THRB: variants seen among roughly 807,000 people sequenced by gnomAD.
THRB encodes thyroid hormone receptor beta.
A neutral mutation model predicts 47.8 loss-of-function variants in THRB; 12 were observed. That is an observed-to-expected ratio of 0.25 (90% confidence interval 0.16 to 0.41). The LOEUF is 0.41. Ranked by LOEUF, THRB falls within the 10% of genes least tolerant of loss-of-function variation. The pLI is 1.00. For synonymous variants in THRB, 218 were observed against 212.2 expected, an observed-to-expected ratio of 1.03 and a Z score of -0.24; for missense variants, 348 against 589.2, an observed-to-expected ratio of 0.59 and a Z score of 4.24.
chr3:24,433,328 C>G (rs945479246), intron 1 of THRB, among the ~76,000 whole-genome samples: 2 of 152,008 alleles, frequency 1.3e-5, no homozygotes, highest in Non-Finnish European at 2.9e-5. Flanking sequence ...CCAGTATGGT[C>G]ATAAAATTCC....
chr3:24,233,597 A>AAGAAAGAAAGAAAG (rs1553658468), intron 3 of THRB, among the ~76,000 whole-genome samples: 68 of 150,932 alleles, frequency 4.5e-4, no homozygotes, highest in Middle Eastern at 3.4e-3. Context: ...GAAAGAAAGA[A>AAGAAAGAAAGAAAG]AGAAAGAAAG....
In THRB at chr3:24,127,509, C is replaced by A; in HGVS notation, c.1134G>T (p.Leu378=). 1 of 1,614,212 alleles carries A rather than the reference C, an allele frequency of 6.2e-7. No homozygotes were observed. The highest frequency in any genetic ancestry group is 8.5e-7 in the Non-Finnish European group (1 of 1,180,034). ...TEVALLQAVL[L]MSSDRPGLAC... ...TCTAGGCGTACTCACCTGAAGACAT[C>A]AGCAGGACGGCCTGAAGGAGGGCTA... Residue 378 remains leucine, a synonymous_variant, in exon 10 of 11, where the codon CTG becomes CTT. Transcript: ENST00000646209.
At position 24,204,741 on chromosome 3, in the gene THRB, G is replaced by A. The variant is rs2045072401; in HGVS notation, c.23-14407C>T. 2.0e-5 allele frequency among the ~76,000 whole-genome samples: 3 copies of A among 152,144 alleles called. No individual in the cohort carries two copies. In the South Asian group the frequency reaches 6.2e-4, roughly 32 times the overall value. ...GGAAATTTGAACCCATCACAAAGAAGCTAAAAACCTTGAAAAAAGATTAGA... is the reference window on the plus strand; with the variant it reads ...GGAAATTTGAACCCATCACAAAGAAACTAAAAACCTTGAAAAAAGATTAGA... On this transcript the variant is annotated intron_variant, in intron 4 of 10. Transcript: ENST00000646209.
intron 5 of THRB, among the ~76,000 whole-genome samples, chr3:24,172,752 T>A (rs1404673272): frequency 2.6e-5 from 4 of 152,128 alleles, no homozygotes; most frequent in East Asian, 1.9e-4. Context: ...GCCCAGTAAT[T>A]GAACTGAGAG....
intron 2 of THRB, among the ~76,000 whole-genome samples, chr3:24,303,416 T>C (rs1416934354): frequency 1.3e-5 from 2 of 152,166 alleles, no homozygotes; most frequent in Non-Finnish European, 2.9e-5. Context: ...AGAGAATATG[T>C]TGTGGAGTTT....
At chr3:24,229,861 G>A (rs149445570) in intron 3 of THRB, among the ~76,000 whole-genome samples, 83 of 152,296 alleles carry the variant, frequency 5.4e-4, no homozygotes, top group African/African-American at 1.9e-3. Flanking sequence ...TGAAGCCTGA[G>A]GCATGGGCTT....
intron 1 of THRB, among the ~76,000 whole-genome samples, chr3:24,339,609 G>A (rs1325674734): frequency 3.9e-5 from 6 of 152,032 alleles, no homozygotes; most frequent in Admixed American, 2.0e-4. Context: ...CAAACATGCG[G>A]CATCTTTTTC....
intron 3 of THRB, among the ~76,000 whole-genome samples, chr3:24,290,656 A>G (rs1209729136): frequency 1.3e-5 from 2 of 152,200 alleles, no homozygotes; most frequent in Admixed American, 1.3e-4. Context: ...TATTAGGGGA[A>G]GAAATGTATT....
At chr3:24,408,813 C>A (rs1006668743) in intron 1 of THRB, among the ~76,000 whole-genome samples, 3 of 151,256 alleles carry the variant, frequency 2.0e-5, no homozygotes, top group Non-Finnish European at 1.5e-5. Flanking sequence ...CAAATCATTA[C>A]AGAAGAAAAA....
chr3:24,191,770 GCA>G (rs1455925873), intron 4 of THRB, among the ~76,000 whole-genome samples: 1 of 152,174 alleles, frequency 6.6e-6, no homozygotes, highest in Non-Finnish European at 1.5e-5. Context: ...CAATGCCCAT[GCA>G]CATTGTATTT....
intron 6 of THRB, among the ~76,000 whole-genome samples, chr3:24,147,562 C>T (rs926200279): frequency 2.0e-4 from 31 of 152,162 alleles, no homozygotes; most frequent in African/African-American, 7.2e-4. Flanking sequence ...CATGAGAGAG[C>T]ACCTCTGTAG....
chr3:24,257,028 G>A (rs960756229), intron 3 of THRB, among the ~76,000 whole-genome samples: 5 of 152,032 alleles, frequency 3.3e-5, no homozygotes, highest in Admixed American at 6.5e-5. Flanking sequence ...CTGGGTTCTC[G>A]GTTGTGATAG....
chr3:24,375,069 G>GT (rs568228199), intron 1 of THRB, among the ~76,000 whole-genome samples: 287 of 151,352 alleles, frequency 1.9e-3, no homozygotes, highest in African/African-American at 6.7e-3. Context: ...CTTTGGCACA[G>GT]TTTTTTTTCA....
At chr3:24,461,904 C>A (rs1374698246) in intron 1 of THRB, among the ~76,000 whole-genome samples, 2 of 152,090 alleles carry the variant, frequency 1.3e-5, no homozygotes, top group Non-Finnish European at 2.9e-5. Flanking sequence ...GATTGCCATG[C>A]ACCTATTAAA....
At chr3:24,179,074 G>T (rs139720064) in intron 5 of THRB, among the ~76,000 whole-genome samples, 1 of 152,246 alleles carries the variant, frequency 6.6e-6, no homozygotes, top group African/African-American at 2.4e-5. Context: ...TCCCAGACCG[G>T]AAAATAAGAT....
chr3:24,485,140 G>T (rs1306692352), intron 1 of THRB, among the ~76,000 whole-genome samples: 1 of 152,142 alleles, frequency 6.6e-6, no homozygotes, highest in African/African-American at 2.4e-5. Flanking sequence ...ATAGAAACAC[G>T]TTCCTGTCAG....
intron 1 of THRB, among the ~76,000 whole-genome samples, chr3:24,475,183 C>A (rs1039942255): frequency 6.6e-6 from 1 of 151,838 alleles, no homozygotes; most frequent in Non-Finnish European, 1.5e-5. Context: ...GGATTTTTTT[C>A]AAGTGAGCAA....
intron 4 of THRB, among the ~76,000 whole-genome samples, chr3:24,218,019 C>T (rs553849320): frequency 6.6e-6 from 1 of 152,274 alleles, no homozygotes; most frequent in South Asian, 2.1e-4. Flanking sequence ...GTAGTCCCAG[C>T]ACTTTGGGAG....
chr3:24,245,348 C>T (rs1166976882), intron 3 of THRB, among the ~76,000 whole-genome samples: 1 of 152,134 alleles, frequency 6.6e-6, no homozygotes, highest in African/African-American at 2.4e-5. Context: ...CATCACTCAG[C>T]TGGGTGCCAT....
Sources: allele counts gnomAD v4.1 joint callset (sites outside exome capture counted in the v4.1 genomes callset), GRCh38; gene constraint gnomAD v4.1.1; transcripts MANE v1.5; gene names NCBI Gene and HGNC (gene_info 2026-07-23, HGNC 2026-07-21).